Variants in VPS41 observed in about 807,000 individuals in gnomAD.
The protein encoded by VPS41 is vacuolar protein sorting-associated protein 41 homolog.
VPS41 carries 85 observed loss-of-function variants against 130.9 expected under a neutral mutation model. The observed-to-expected ratio is 0.65, with a 90% CI of 0.55 to 0.78. The LOEUF (loss-of-function observed/expected upper bound fraction) is 0.78, where lower values mean the gene tolerates loss of function less well. VPS41 is among the 30% of genes least tolerant of loss of function. The pLI, the probability that VPS41 is intolerant of heterozygous loss-of-function variation, is 0.00. For synonymous variants in VPS41, 335 were observed against 332.9 expected (o/e 1.01, Z -0.07); for missense variants, 874 against 1,018.7 (o/e 0.86, Z 1.93).
At chr7:38,750,731 T>A (rs1314618930) in intron 22 of VPS41, among the ~76,000 whole-genome samples, 1 of 152,106 alleles carries the variant, frequency 6.6e-6, no homozygotes, top group Non-Finnish European at 1.5e-5. Context: ...CAGGTGGGCA[T>A]AAAGTGTGTG....
At chr7:38,741,857 G>T in intron 25 of VPS41, 128 bp downstream of exon 25, 1 of 1,023,340 alleles carries the variant, frequency 9.8e-7, no homozygotes, top group Non-Finnish European at 1.4e-6. Context: ...CTAAATATCT[G>T]GGCCTAAATA....
At chr7:38,859,759 A>T (rs1786063887) in intron 4 of VPS41, among the ~76,000 whole-genome samples, 1 of 152,238 alleles carries the variant, frequency 6.6e-6, no homozygotes, top group Non-Finnish European at 1.5e-5. Flanking sequence ...ACGCATGATT[A>T]TACTATGATT....
At chr7:38,889,077 C>T (rs925145813) in intron 2 of VPS41, among the ~76,000 whole-genome samples, 4 of 147,286 alleles carry the variant, frequency 2.7e-5, no homozygotes, top group African/African-American at 7.6e-5. Flanking sequence ...GCATGTTCTG[C>T]ACATGTAACC....
chr7:38,819,743 T>G (rs1054199929), intron 6 of VPS41, among the ~76,000 whole-genome samples: 12 of 152,174 alleles, frequency 7.9e-5, no homozygotes, highest in Non-Finnish European at 1.3e-4. Flanking sequence ...TCCAACTGCT[T>G]CTTCTTAGAC....
chr7:38,852,737 C>T (rs1785887095), intron 4 of VPS41, among the ~76,000 whole-genome samples: 1 of 152,114 alleles, frequency 6.6e-6, no homozygotes, highest in South Asian at 2.1e-4. Flanking sequence ...GTCATGGTTC[C>T]CAGAGACTAA....
chr7:38,862,930 C>T (rs1424314415), intron 3 of VPS41, among the ~76,000 whole-genome samples: 5 of 152,054 alleles, frequency 3.3e-5, no homozygotes, highest in African/African-American at 4.8e-5. Flanking sequence ...TTAAATGCAG[C>T]GGTGAAAACA....
chr7:38,815,297 A>T (rs4723798), intron 7 of VPS41, among the ~76,000 whole-genome samples: 90,518 of 151,682 alleles, frequency 0.6, 27,720 homozygotes, highest in East Asian at 0.89. Flanking sequence ...GGTGGTGGGC[A>T]TCTGTAGTCC....
At chr7:38,855,406 A>G (rs1785961291) in intron 4 of VPS41, among the ~76,000 whole-genome samples, 1 of 152,176 alleles carries the variant, frequency 6.6e-6, no homozygotes, top group Non-Finnish European at 1.5e-5. Context: ...GCAAAGAGAA[A>G]AGAGGAGCTG....
chr7:38,855,742 A>G (rs1785968306), intron 4 of VPS41, among the ~76,000 whole-genome samples: 4 of 152,340 alleles, frequency 2.6e-5, no homozygotes, highest in Admixed American at 2.6e-4. Context: ...ATGATCTTTT[A>G]AAGTCTCTTT....
chr7:38,860,697 T>TTGTGTGTGTGTG (rs59007809), intron 4 of VPS41, among the ~76,000 whole-genome samples: 21 of 143,396 alleles, frequency 1.5e-4, no homozygotes, highest in African/African-American at 4.4e-4. Context: ...AACAATCTGT[T>TTGTGTGTGTGTG]TGTGTGTGTG....
rs528219017 is a variant in VPS41 at position 38,807,079 on chromosome 7, C to T, written c.451-10215G>A. 2.6e-5 allele frequency among the ~76,000 whole-genome samples: 4 copies of T among 152,346 alleles called. No homozygotes were observed. The South Asian group carries it at 8.3e-4, about 32-fold the overall frequency. On this transcript the variant is annotated intron_variant, in intron 7 of 28. Coordinates refer to ENST00000310301, the MANE Select transcript of VPS41 (RefSeq NM_014396.4). ...GCTTCTTTACCAGTTATGACTTTGG[C>T]TTTGGCTTAGGCTTTTCTCCTTCTA...
At position 38,817,865 on chromosome 7, in the gene VPS41, T is replaced by C. The variant is rs758042993; in HGVS notation, c.402A>G (p.Pro134=). Residue 134 remains proline (P), a synonymous_variant, in exon 7 of 29, where the codon CCA becomes CCG. Coordinates refer to ENST00000310301, the MANE Select transcript of VPS41 (RefSeq NM_014396.4). ...GCTTGCAACTGGATCTCACGAAATG[T>C]GGGTGCACAGCAATAATCTACAAGA... The part of the protein sequence containing the change: ...DCPIKIIAVH[P]HFVRSSCKQF... 4 of 1,614,094 alleles carry C rather than the reference T, an allele frequency of 2.5e-6. No homozygotes were observed. The South Asian group carries it at 4.4e-5, about 18-fold the overall frequency.
chr7:38,782,655 T>C (rs1784373320), intron 10 of VPS41, among the ~76,000 whole-genome samples: 1 of 152,158 alleles, frequency 6.6e-6, no homozygotes. Context: ...CCCAGGGCAA[T>C]GGGGTCAGGG....
chr7:38,881,002 A>C (rs540843206), intron 2 of VPS41, among the ~76,000 whole-genome samples: 1 of 152,342 alleles, frequency 6.6e-6, no homozygotes, highest in Admixed American at 6.5e-5. Flanking sequence ...AATGCGGCCT[A>C]ATGAAAAGTG....
chr7:38,855,857 A>T (rs1453099570), intron 4 of VPS41, among the ~76,000 whole-genome samples: 2 of 152,218 alleles, frequency 1.3e-5, no homozygotes, highest in Non-Finnish European at 2.9e-5. Flanking sequence ...TTACTTTCCA[A>T]AAGTAAGATT....
intron 1 of VPS41, among the ~76,000 whole-genome samples, chr7:38,902,649 CT>C (rs1787170122): frequency 6.6e-6 from 1 of 152,148 alleles, no homozygotes; most frequent in African/African-American, 2.4e-5. Flanking sequence ...GCACCACCCC[CT>C]GCCTGCCTGA....
At position 38,862,725 on chromosome 7, in the gene VPS41, A is replaced by G. The variant is rs1786145072; in HGVS notation, c.169-103T>C. The G allele has an allele frequency of 7.5e-6, 5 of 669,202 alleles. No homozygotes were observed. In the East Asian group the frequency reaches 8.8e-5, roughly 12 times the overall value. 41.5% of individuals were successfully genotyped at this position (669,202 alleles called of 1,614,324 possible). The stretch of plus-strand genomic sequence containing the variant: ...AGACAAGATGCTTAATGCATAAATG[A>G]TCTGCAATGTCTCAAAAGATATGCA... On this transcript the variant is annotated intron_variant, in intron 3 of 28. Coordinates refer to ENST00000310301, the MANE Select transcript of VPS41 (RefSeq NM_014396.4).
chr7:38,788,260 C>T (rs1393444095), intron 10 of VPS41, among the ~76,000 whole-genome samples: 1 of 152,186 alleles, frequency 6.6e-6, no homozygotes, highest in East Asian at 1.9e-4. Context: ...ACTTCCTTGC[C>T]TCCCTGGAAG....
chr7:38,808,086 A>G (rs1199305710), intron 7 of VPS41, among the ~76,000 whole-genome samples: 1 of 152,158 alleles, frequency 6.6e-6, no homozygotes, highest in Non-Finnish European at 1.5e-5. Flanking sequence ...TTTGATGGAT[A>G]TGAGACAATG....
Sources: gnomAD v4.1 joint callset for allele counts (sites outside exome capture counted in the v4.1 genomes callset) on GRCh38, gnomAD v4.1.1 for gene constraint, MANE v1.5 for transcripts, NCBI Gene and HGNC (gene_info 2026-07-23, HGNC 2026-07-21) for gene names.